The following FSD2 variants were observed in gnomAD, a reference collection of about 807,000 sequenced individuals.
The protein encoded by FSD2 is fibronectin type III and SPRY domain containing 2.
Under a neutral mutation model 80.4 loss-of-function variants are expected in FSD2, and 71 were observed. The ratio of observed to expected loss-of-function variants is 0.88; its 90% CI spans 0.73 to 1.08. The LOEUF is 1.08. FSD2 is among the 50% of genes least tolerant of loss of function. The probability of loss-of-function intolerance (pLI) is 0.00; values close to 1 mark genes in which losing one functional copy is unlikely to be tolerated. For synonymous variants in FSD2, 361 were observed against 329.5 expected (o/e 1.10, Z -1.03); for missense variants, 923 against 913.8 (o/e 1.01, Z -0.13).
Position 82,755,538 on chromosome 15 carries a change from G to A in FSD2, c.*3810C>T, listed in dbSNP as rs1291484092. 6.6e-6 allele frequency: 1 copy of A among 150,942 alleles called. No homozygotes were observed. Among genetic ancestry groups the A allele is most frequent in the African/African-American group, 2.4e-5 (1 of 41,080 alleles). The allele number at this position is 150,942 out of a possible 1,614,324, so 9.4% of individuals were successfully genotyped here. A position where few individuals can be genotyped will look rare whatever the true frequency, so the allele number is the denominator to read the frequency against. On this transcript the variant is annotated 3_prime_UTR_variant, in exon 13 of 13. Coordinates refer to ENST00000334574, the MANE Select transcript of FSD2 (RefSeq NM_001007122.4). Reference sequence around the variant, plus strand: ...TGTCACAGTCTGGGAAAATGAAAAAGCAATCAATTAGTGAGTTGGGCTTAA... The same window carrying A: ...TGTCACAGTCTGGGAAAATGAAAAAACAATCAATTAGTGAGTTGGGCTTAA...
At chr15:82,798,003 A>C (rs998849889) in intron 1 of FSD2, among the ~76,000 whole-genome samples, 2 of 152,162 alleles carry the variant, frequency 1.3e-5, no homozygotes, top group African/African-American at 2.4e-5. Context: ...ATTTTTGTAG[A>C]GAAGTATCAT....
At chr15:82,765,789 T>C in intron 10 of FSD2, 109 bp downstream of exon 10, 1 of 1,378,948 alleles carries the variant, frequency 7.3e-7, no homozygotes, top group Non-Finnish European at 9.7e-7. Context: ...TTGCCACGTG[T>C]CCACATCTGT....
intron 6 of FSD2, among the ~76,000 whole-genome samples, chr15:82,773,233 C>A (rs2049629167): frequency 6.6e-6 from 1 of 152,186 alleles, no homozygotes; most frequent in African/African-American, 2.4e-5. Flanking sequence ...ATTGATCAAC[C>A]CATGTAAGAG....
chr15:82,763,086 C>T (rs1331309892), intron 11 of FSD2, among the ~76,000 whole-genome samples: 1 of 152,220 alleles, frequency 6.6e-6, no homozygotes, highest in Non-Finnish European at 1.5e-5. Context: ...ACTTCTACCT[C>T]GGTTACCTCA....
chr15:82,783,060 G>T (rs767192919), intron 3 of FSD2, 35 bp from the exon 4 acceptor site: 14 of 1,422,234 alleles, frequency 9.8e-6, no homozygotes, highest in Non-Finnish European at 1.3e-5. Context: ...TCATTTCAGC[G>T]CATGTAGTGT....
chr15:82,785,878 T>G (rs1320478743), intron 3 of FSD2, among the ~76,000 whole-genome samples: 1 of 152,084 alleles, frequency 6.6e-6, no homozygotes, highest in East Asian at 1.9e-4. Context: ...CCGGGGATTC[T>G]CAGTAAGAAC....
chr15:82,780,061 C>G (rs1189365159), intron 5 of FSD2, among the ~76,000 whole-genome samples, 184 bp downstream of exon 5: 1 of 151,974 alleles, frequency 6.6e-6, no homozygotes, highest in Non-Finnish European at 1.5e-5. Context: ...CCCTGAGATC[C>G]TGAGATTCAA....
chr15:82,755,899 C>T lies in FSD2; in HGVS notation c.*3449G>A, dbSNP rs746522158. On this transcript the variant is annotated 3_prime_UTR_variant, in exon 13 of 13. Coordinates refer to ENST00000334574, the MANE Select transcript of FSD2 (RefSeq NM_001007122.4). ...CATGATCTTTATTTGAGTATCTTGA[C>T]TTGTTAAAGGACAGTGTTTTAAAAG... 2.1e-6 allele frequency: 1 copy of T among 473,268 alleles called. No homozygotes were observed. The highest frequency in any genetic ancestry group is 1.6e-5 in the South Asian group (1 of 63,432). The allele number at this position is 473,268 out of a possible 1,614,324, so 29.3% of individuals were successfully genotyped here. A position where few individuals can be genotyped will look rare whatever the true frequency, so the allele number is the denominator to read the frequency against.
rs1030012769 is a variant in FSD2, at chr15:82,787,538, G to A, written c.-78-70C>T. 4.4e-6 allele frequency: 3 copies of A among 679,558 alleles called. No homozygotes were observed. The Admixed American group carries it at 9.8e-5, about 22-fold the overall frequency. 42.1% of individuals were successfully genotyped at this position (679,558 alleles called of 1,614,324 possible). ...TTGCAGTAGATGATCATTAGATTGG[G>A]CTCTACTCATATAAAACTTTAAAAA... is the stretch of plus-strand genomic sequence containing the variant. On this transcript the variant is annotated intron_variant, in intron 1 of 12. Coordinates refer to ENST00000334574, the MANE Select transcript of FSD2 (RefSeq NM_001007122.4).
chr15:82,772,127 A>ATATC lies in FSD2; in HGVS notation c.1212_1213insGATA (p.Tyr405AspfsTer42). 1 of 1,608,512 alleles carries ATATC rather than the reference A, an allele frequency of 6.2e-7. No individual in the cohort carries two copies. The highest frequency in any genetic ancestry group is 8.5e-7 in the Non-Finnish European group (1 of 1,177,956). ...TGCACTGGCCGGTAGGACAGCTGAT[A>ATATC]GCTCTCCACAGTGTCGTCGGAGTAT... On this transcript the variant is annotated frameshift_variant, in exon 7 of 13. Coordinates refer to ENST00000334574, the MANE Select transcript of FSD2 (RefSeq NM_001007122.4). LOFTEE classifies it high-confidence loss of function.
chr15:82,786,961 G>A lies in FSD2; in HGVS notation c.430C>T (p.Gln144Ter), dbSNP rs1287372780. 1 of 1,613,864 alleles carries A rather than the reference G, an allele frequency of 6.2e-7. No individual in the cohort carries two copies. Among genetic ancestry groups the A allele is most frequent in the Non-Finnish European group, 8.5e-7 (1 of 1,179,906 alleles). ...FGGWGSAGQC[Q>*]DLREAYRYTH... Reference sequence around the variant, plus strand: ...TACCTATAGGCTTCCCGCAAGTCCTGGCACTGGCCTGCTGAGCCCCACCCT... The same window carrying A: ...TACCTATAGGCTTCCCGCAAGTCCTAGCACTGGCCTGCTGAGCCCCACCCT... Residue 144 changes from glutamine (Q) to a stop codon, truncating the protein, a stop_gained, in exon 2 of 13, where the codon CAG becomes TAG. Coordinates refer to ENST00000334574, the MANE Select transcript of FSD2 (RefSeq NM_001007122.4). LOFTEE classifies it high-confidence loss of function.
In FSD2 at chr15:82,756,122, T is replaced by C. The variant is rs758223379; in HGVS notation, c.*3226A>G. 9 of 372,080 alleles carry C rather than the reference T, an allele frequency of 2.4e-5. No homozygotes were observed. Among genetic ancestry groups the C allele is most frequent in the Admixed American group, 8.3e-5 (3 of 35,950 alleles). The allele number at this position is 372,080 out of a possible 1,614,324, so 23.0% of individuals were successfully genotyped here. A position where few individuals can be genotyped will look rare whatever the true frequency, so the allele number is the denominator to read the frequency against. On this transcript the variant is annotated 3_prime_UTR_variant, in exon 13 of 13. Transcript: ENST00000334574. ...ATAGAAAATAGGAGTAGTACACTTATAGATGAGAAAACTGGAGAAAGACAT... is the reference window on the plus strand; with the variant it reads ...ATAGAAAATAGGAGTAGTACACTTACAGATGAGAAAACTGGAGAAAGACAT...
intron 7 of FSD2, among the ~76,000 whole-genome samples, chr15:82,771,143 G>A (rs2049559563): frequency 6.6e-6 from 1 of 152,120 alleles, no homozygotes; most frequent in South Asian, 2.1e-4. Flanking sequence ...CTCAGCTTCT[G>A]GAACTCAGCC....
intron 6 of FSD2, 32 bp from the exon 7 acceptor site, chr15:82,772,260 C>A (rs1105287): frequency 0.17 from 274,549 of 1,578,346 alleles, 26,591 homozygotes; most frequent in South Asian, 0.32. Context: ...GAAGAGGAAC[C>A]TCTAATAGAG....
Position 82,782,883 on chromosome 15 carries a change from A to T in FSD2, c.878T>A (p.Val293Asp). ...AGTATCTAGGTTTTCTCCACAGCTG[A>T]CCAGTTGTCCATATAAGGCTTCCAG... is the stretch of plus-strand genomic sequence containing the variant. ...EKLEALYGQL[V>D]SCGENLDTCK... The change falls in exon 4 of 13, where the codon GTC (valine) becomes GAC (aspartate). Residue 293 changes from valine to aspartate, a missense_variant. By Grantham distance (152) the Val-to-Asp change is radical (BLOSUM62 -3). Transcript: ENST00000334574. 6.2e-7 allele frequency: 1 copy of T among 1,613,814 alleles called. No individual in the cohort carries two copies. The highest frequency in any genetic ancestry group is 8.5e-7 in the Non-Finnish European group (1 of 1,179,810).
intron 6 of FSD2, among the ~76,000 whole-genome samples, 193 bp from the exon 7 acceptor site, chr15:82,772,421 A>G (rs1234041312): frequency 1.3e-5 from 2 of 152,214 alleles, no homozygotes; most frequent in Non-Finnish European, 2.9e-5. Context: ...CAGTATATCT[A>G]TTCTTGCTTT....
chr15:82,770,194 C>T (rs1276556786), intron 7 of FSD2, among the ~76,000 whole-genome samples: 2 of 152,250 alleles, frequency 1.3e-5, no homozygotes, highest in African/African-American at 2.4e-5. Context: ...GATGCTTCCA[C>T]TACCACGTGA....
intron 4 of FSD2, 74 bp from the exon 5 acceptor site, chr15:82,780,341 T>A: frequency 8.6e-7 from 1 of 1,165,102 alleles, no homozygotes; most frequent in Non-Finnish European, 1.2e-6. Flanking sequence ...TTCTTTCTTT[T>A]TTTTTTTTTC....
intron 6 of FSD2, among the ~76,000 whole-genome samples, chr15:82,773,858 A>G (rs901003365): frequency 3.3e-5 from 5 of 152,222 alleles, no homozygotes; most frequent in Admixed American, 6.5e-5. Context: ...GTGAGAAAAT[A>G]TCTATCAAAA....
Sources: allele counts gnomAD v4.1 joint callset (sites outside exome capture counted in the v4.1 genomes callset), GRCh38; gene constraint gnomAD v4.1.1; transcripts MANE v1.5; gene names NCBI Gene and HGNC (gene_info 2026-07-23, HGNC 2026-07-21).